SOAT2: variants seen among roughly 807,000 people sequenced by gnomAD.
The protein encoded by SOAT2 is ACAT-2.
Under a neutral mutation model 76.0 loss-of-function variants are expected in SOAT2, and 87 were observed. The observed-to-expected ratio is 1.14, with a 90% CI of 0.96 to 1.37. The LOEUF (loss-of-function observed/expected upper bound fraction) is 1.37. SOAT2 is among the 40% of genes most tolerant of loss of function. The pLI, the probability that SOAT2 is intolerant of heterozygous loss-of-function variation, is 0.00. For synonymous variants in SOAT2, 285 were observed against 275.4 expected, an observed-to-expected ratio of 1.03 and a Z score of -0.34; for missense variants, 686 against 682.1, an observed-to-expected ratio of 1.01 and a Z score of -0.06.
At position 53,124,275 on chromosome 12, in the gene SOAT2, G is replaced by C. The variant is rs1592281307; in HGVS notation, c.*152G>C. 8 of 722,512 alleles carry C rather than the reference G, an allele frequency of 1.1e-5. No homozygotes were observed. In the Middle Eastern group the frequency reaches 1.1e-3, roughly 103 times the overall value. 44.8% of individuals were successfully genotyped at this position (722,512 alleles called of 1,614,324 possible). On this transcript the variant is annotated 3_prime_UTR_variant, in exon 15 of 15. Coordinates refer to ENST00000301466, the MANE Select transcript of SOAT2 (RefSeq NM_003578.4). ...CCACCAAGGAATGTGCAAGGACTGAGATCTGCAGACTTGTGGGTAACTGAT... is the reference window on the plus strand; with the variant it reads ...CCACCAAGGAATGTGCAAGGACTGACATCTGCAGACTTGTGGGTAACTGAT...
At chr12:53,112,232 GA>G (rs1482162520) in intron 5 of SOAT2, among the ~76,000 whole-genome samples, 1 of 152,058 alleles carries the variant, frequency 6.6e-6, no homozygotes, top group Non-Finnish European at 1.5e-5. Context: ...AACTGAGAAG[GA>G]AAAAAACTTC....
In SOAT2 at chr12:53,124,322, G is replaced by T; in HGVS notation, c.*199G>T. 1.6e-6 allele frequency: 1 copy of T among 614,862 alleles called. No individual in the cohort carries two copies. Among genetic ancestry groups the T allele is most frequent in the Non-Finnish European group, 2.9e-6 (1 of 343,700 alleles). 38.1% of individuals were successfully genotyped at this position (614,862 alleles called of 1,614,324 possible). A position where few individuals can be genotyped will look rare whatever the true frequency, so the allele number is the denominator to read the frequency against. Reference sequence around the variant, plus strand: ...TGATCACAGACCTCAGCATGGGGGTGACCAGGGTGACTCTTCAATCCCTAT... The same window carrying T: ...TGATCACAGACCTCAGCATGGGGGTTACCAGGGTGACTCTTCAATCCCTAT... On this transcript the variant is annotated 3_prime_UTR_variant, in exon 15 of 15. Transcript: ENST00000301466.
At chr12:53,119,009 G>A (rs1938147751) in intron 9 of SOAT2, 74 bp downstream of exon 9, 1 of 1,609,432 alleles carries the variant, frequency 6.2e-7, no homozygotes, top group Admixed American at 1.7e-5. Context: ...GAGGCCTGGG[G>A]AGGCAGTGGG....
intron 5 of SOAT2, among the ~76,000 whole-genome samples, chr12:53,108,006 TA>T (rs1937961615): frequency 6.6e-6 from 1 of 151,972 alleles, no homozygotes; most frequent in African/African-American, 2.4e-5. Flanking sequence ...TTTGCTTTAT[TA>T]TACTTGGTTT....
In SOAT2 at chr12:53,121,361, A is replaced by G. The variant is rs558245702; in HGVS notation, c.1196A>G (p.His399Arg). 16 of 1,614,164 alleles carry G rather than the reference A, an allele frequency of 9.9e-6. No homozygotes were observed. Among genetic ancestry groups the G allele is most frequent in the Admixed American group, 3.3e-5 (2 of 60,016 alleles). The change falls in exon 12 of 15, where the codon CAT becomes CGT. Residue 399 changes from histidine (H) to arginine (R), a missense_variant. His to Arg is a conservative substitution (Grantham distance 29). Coordinates refer to ENST00000301466, the MANE Select transcript of SOAT2 (RefSeq NM_003578.4). ...TACCGCACTTGGAACGTGGTGGTCC[A>G]TGACTGGCTGTACAGCTACGTGTAT... ...NYYRTWNVVV[H>R]DWLYSYVYQD...
Position 53,118,899 on chromosome 12 carries a change from T to G in SOAT2, c.873T>G (p.Tyr291Ter). The G allele has an allele frequency of 6.2e-7, 1 of 1,613,996 alleles. No homozygotes were observed. The highest frequency in any genetic ancestry group is 8.5e-7 in the Non-Finnish European group (1 of 1,179,978). The change falls in exon 9 of 15, where the codon TAT becomes TAG. Residue 291 changes from tyrosine (Y) to a stop codon, truncating the protein, a stop_gained. Transcript: ENST00000301466. LOFTEE classifies it high-confidence loss of function. Reference protein sequence around the residue: ...IYRETYPRTPYVRWNYVAKNF... With the variant: ...IYRETYPRTP ...CCCATTGCCGCTGCAGGACGCCCTA[T>G]GTCAGGTGGAATTATGTGGCCAAGA...
intron 4 of SOAT2, 135 bp downstream of exon 4, chr12:53,105,755 C>A: frequency 1.1e-6 from 1 of 945,932 alleles, no homozygotes. Context: ...GGTGCAGGTC[C>A]CCTATTTGCC....
At chr12:53,104,293 T>A in intron 2 of SOAT2, 87 bp downstream of exon 2, 4 of 823,212 alleles carry the variant, frequency 4.9e-6, no homozygotes, top group Non-Finnish European at 5.6e-6. Context: ...AGATGACTTT[T>A]TTTTTTTTTT....
Position 53,124,148 on chromosome 12 carries a change from G to T in SOAT2, c.*25G>T. On this transcript the variant is annotated 3_prime_UTR_variant, in exon 15 of 15. Transcript: ENST00000301466. Reference sequence around the variant, plus strand: ...GAGGTCGGGACAGACGACGCTACCTGCCCAGACACCACCAAGTTCTCTGCC... The same window carrying T: ...GAGGTCGGGACAGACGACGCTACCTTCCCAGACACCACCAAGTTCTCTGCC... 4.3e-6 allele frequency: 7 copies of T among 1,613,686 alleles called. No individual in the cohort carries two copies. The highest frequency in any genetic ancestry group is 5.9e-6 in the Non-Finnish European group (7 of 1,179,636).
intron 5 of SOAT2, among the ~76,000 whole-genome samples, chr12:53,113,479 G>A (rs143003500): frequency 0.011 from 1,723 of 152,272 alleles, 27 homozygotes; most frequent in African/African-American, 0.032. Context: ...CTGTCTCATC[G>A]CAAGCCACTG....
chr12:53,104,323 G>A (rs897985042), intron 2 of SOAT2, 117 bp downstream of exon 2: 12 of 714,068 alleles, frequency 1.7e-5, no homozygotes, highest in East Asian at 3.1e-5. Context: ...ACAAAGTCTC[G>A]CTCTGTTGCT....
intron 7 of SOAT2, among the ~76,000 whole-genome samples, chr12:53,116,602 A>ACAGGTAATC (rs1256803568): frequency 1.4e-4 from 21 of 152,304 alleles, no homozygotes; most frequent in Admixed American, 1.2e-3. Flanking sequence ...AGTGGCTCAC[A>ACAGGTAATC]CAGGTAATCC....
rs1396123135 is a variant in SOAT2, at chr12:53,124,448, C to T, written c.*325C>T. 1 of 358,262 alleles carries T rather than the reference C, an allele frequency of 2.8e-6. No individual in the cohort carries two copies. The allele number at this position is 358,262 out of a possible 1,614,324, so 22.2% of individuals were successfully genotyped here. On this transcript the variant is annotated 3_prime_UTR_variant, in exon 15 of 15. Coordinates refer to ENST00000301466, the MANE Select transcript of SOAT2 (RefSeq NM_003578.4). Reference sequence around the variant, plus strand: ...ATGAATGTGGGGGAACTCAGAGGAACTGGGGCCACCAAGGTTGGAAAAGGG... The same window carrying T: ...ATGAATGTGGGGGAACTCAGAGGAATTGGGGCCACCAAGGTTGGAAAAGGG...
intron 5 of SOAT2, among the ~76,000 whole-genome samples, chr12:53,114,622 G>A (rs1938075482): frequency 6.6e-6 from 1 of 152,172 alleles, no homozygotes. Flanking sequence ...TCAGGAGGCT[G>A]AAGCAGGATA....
At chr12:53,120,752 G>C in intron 10 of SOAT2, 34 bp from the exon 11 acceptor site, 1 of 1,549,934 alleles carries the variant, frequency 6.5e-7, no homozygotes, top group Middle Eastern at 1.7e-4. Context: ...ATGTGGGCCA[G>C]CCTGACCTGC....
In SOAT2 at chr12:53,105,896, T is replaced by C; in HGVS notation, c.336-11T>C. 12 of 1,418,180 alleles carry C rather than the reference T, an allele frequency of 8.5e-6. No homozygotes were observed. The highest frequency in any genetic ancestry group is 1.1e-5 in the Non-Finnish European group (12 of 1,089,766). 87.8% of individuals were successfully genotyped at this position (1,418,180 alleles called of 1,614,324 possible). On this transcript the variant is annotated splice_polypyrimidine_tract_variant and intron_variant, in intron 4 of 14. Coordinates refer to ENST00000301466, the MANE Select transcript of SOAT2 (RefSeq NM_003578.4). ...CCTCCCACACTGACTTTCGGGCCCC[T>C]GTCCCTCTAGTGAGCTGATGGAGGT...
Position 53,123,859 on chromosome 12 carries a change from T to C in SOAT2, c.1504T>C (p.Cys502Arg), listed in dbSNP as rs781184464. The change falls in exon 14 of 15, where the codon TGC becomes CGC. Residue 502 changes from cysteine to arginine, a missense_variant. Cys to Arg is a radical substitution (Grantham distance 180). Coordinates refer to ENST00000301466, the MANE Select transcript of SOAT2 (RefSeq NM_003578.4). ...CCAGGAGTGGTACGCACGGCGGCAC[T>C]GCCCCTTACCCCAGGTAAGAGACCA... The part of the protein sequence containing the change: ...YCQEWYARRH[C>R]PLPQATFWGL... 1.2e-6 allele frequency: 2 copies of C among 1,614,130 alleles called. No homozygotes were observed. Among genetic ancestry groups the C allele is most frequent in the Non-Finnish European group, 8.5e-7 (1 of 1,180,018 alleles).
intron 7 of SOAT2, among the ~76,000 whole-genome samples, chr12:53,117,009 A>G (rs1592278423): frequency 7.0e-6 from 1 of 143,038 alleles, no homozygotes; most frequent in African/African-American, 2.7e-5. Context: ...CCCAGGCTGG[A>G]GTGCAGTGGC....
Position 53,115,543 on chromosome 12 carries a change from G to A in SOAT2, c.597G>A (p.Leu199=). The A allele has an allele frequency of 6.3e-7, 1 of 1,599,008 alleles. No individual in the cohort carries two copies. The highest frequency in any genetic ancestry group is 1.3e-5 in the African/African-American group (1 of 74,960). ...GCACCTGGACGCAGGCGACGGGCCT[G>A]GGCTGTGCGCTGCTAGCCGCCCACG... The part of the protein sequence containing the change: ...ARGTWTQATG[L]GCALLAAHAV... Residue 199 remains leucine (L), a synonymous_variant, in exon 6 of 15, where the codon CTG becomes CTA. Transcript: ENST00000301466.
Sources: gnomAD v4.1 joint callset for allele counts (sites outside exome capture counted in the v4.1 genomes callset) on GRCh38, gnomAD v4.1.1 for gene constraint, MANE v1.5 for transcripts, NCBI Gene and HGNC (gene_info 2026-07-23, HGNC 2026-07-21) for gene names.